The following HCN1 variants were observed in gnomAD, a reference collection of about 807,000 sequenced individuals.
HCN1 encodes the protein potassium/sodium hyperpolarization-activated cyclic nucleotide-gated channel 1.
A neutral mutation model predicts 78.9 loss-of-function variants in HCN1; 13 were observed. That is an observed-to-expected ratio of 0.16 (90% CI 0.11 to 0.26). The LOEUF (loss-of-function observed/expected upper bound fraction) is 0.26. Among genes scored for constraint, HCN1 ranks in the 10% least tolerant of loss-of-function variants. The pLI, the probability that HCN1 is intolerant of heterozygous loss-of-function variation, is 1.00. For synonymous variants in HCN1, 552 were observed against 455.5 expected, an observed-to-expected ratio of 1.21 and a Z score of -2.70; for missense variants, 810 against 1,154.3, an observed-to-expected ratio of 0.70 and a Z score of 4.32.
At chr5:45,385,198 G>A (rs549785360) in intron 4 of HCN1, among the ~76,000 whole-genome samples, 2 of 152,066 alleles carry the variant, frequency 1.3e-5, no homozygotes, top group South Asian at 4.2e-4. Flanking sequence ...TCTAAAACTG[G>A]GTTGAGAATG....
rs1744616249 is a variant in HCN1, at chr5:45,256,433, A to G, written c.*5488T>C. ...AGTAAATGGCCATTGATGTTACATTAGAAATATAATAGCTCCAAAGAATGT... is the reference window on the plus strand; with the variant it reads ...AGTAAATGGCCATTGATGTTACATTGGAAATATAATAGCTCCAAAGAATGT... On this transcript the variant is annotated 3_prime_UTR_variant, in exon 8 of 8. Transcript: ENST00000303230. 1 of 151,838 alleles carries G rather than the reference A, an allele frequency of 6.6e-6. No homozygotes were observed. Among genetic ancestry groups the G allele is most frequent in the African/African-American group, 2.4e-5 (1 of 41,334 alleles). 9.4% of individuals were successfully genotyped at this position (151,838 alleles called of 1,614,324 possible).
At chr5:45,403,647 G>A (rs1447347788) in intron 3 of HCN1, among the ~76,000 whole-genome samples, 6 of 152,138 alleles carry the variant, frequency 3.9e-5, no homozygotes, top group African/African-American at 7.2e-5. Context: ...AGCATGTGGG[G>A]ATTATGAGAA....
At chr5:45,469,767 A>T (rs183110705) in intron 2 of HCN1, among the ~76,000 whole-genome samples, 358 of 151,644 alleles carry the variant, frequency 2.4e-3, no homozygotes, top group African/African-American at 8.2e-3. Context: ...AATAATTAAA[A>T]ATCCTAATTA....
intron 5 of HCN1, among the ~76,000 whole-genome samples, chr5:45,316,599 A>G (rs1032871320): frequency 6.6e-6 from 1 of 152,152 alleles, no homozygotes; most frequent in Non-Finnish European, 1.5e-5. Context: ...AAGGGTATTC[A>G]ATTACAAAAA....
intron 1 of HCN1, among the ~76,000 whole-genome samples, chr5:45,667,140 G>A (rs116720185): frequency 6.2e-4 from 94 of 152,026 alleles, no homozygotes; most frequent in African/African-American, 2.3e-3. Context: ...AACCTCACCT[G>A]CTTTCAAGAA....
At position 45,328,261 on chromosome 5, in the gene HCN1, T is replaced by C. The variant is rs556775926; in HGVS notation, c.1378-24422A>G. Among the ~76,000 whole-genome samples the C allele has an allele frequency of 8.6e-5, 13 of 151,814 alleles. No homozygotes were observed. The South Asian group carries it at 2.7e-3, about 31-fold the overall frequency. On this transcript the variant is annotated intron_variant, in intron 5 of 7. Transcript: ENST00000303230. ...CGGTGCCACAGCAAAACTAGCATTT[T>C]TTTTTTTCTTCACAATTTCATGAAT...
intron 3 of HCN1, among the ~76,000 whole-genome samples, chr5:45,411,971 CTAACTT>C (rs1362445451): frequency 6.6e-6 from 1 of 152,068 alleles, no homozygotes; most frequent in Non-Finnish European, 1.5e-5. Flanking sequence ...AATTGGCAGA[CTAACTT>C]TAAGGAATAT....
At chr5:45,470,687 A>G (rs1041241395) in intron 2 of HCN1, among the ~76,000 whole-genome samples, 11 of 152,094 alleles carry the variant, frequency 7.2e-5, no homozygotes, top group African/African-American at 2.2e-4. Flanking sequence ...CTTAAAAGTA[A>G]TAAGCCTTAT....
chr5:45,530,898 G>C (rs1355000197), intron 2 of HCN1, among the ~76,000 whole-genome samples: 1 of 152,080 alleles, frequency 6.6e-6, no homozygotes, highest in African/African-American at 2.4e-5. Flanking sequence ...GAGTTACCCA[G>C]ACATCCTGGA....
intron 2 of HCN1, among the ~76,000 whole-genome samples, chr5:45,489,136 G>C (rs1054881153): frequency 1.3e-5 from 2 of 152,132 alleles, no homozygotes; most frequent in African/African-American, 2.4e-5. Context: ...CTTCAGAGAA[G>C]GCAAAATATT....
chr5:45,349,074 T>C (rs916986276), intron 5 of HCN1, among the ~76,000 whole-genome samples: 11 of 152,172 alleles, frequency 7.2e-5, no homozygotes, highest in African/African-American at 2.7e-4. Flanking sequence ...ATATACATTT[T>C]TTTCAGCACC....
intron 2 of HCN1, among the ~76,000 whole-genome samples, chr5:45,522,976 T>C (rs1742645652): frequency 6.6e-6 from 1 of 152,048 alleles, no homozygotes; most frequent in African/African-American, 2.4e-5. Context: ...TCATTTAGCA[T>C]TAGGTATATC....
intron 5 of HCN1, among the ~76,000 whole-genome samples, chr5:45,332,259 A>G (rs1375632307): frequency 2.0e-5 from 3 of 151,432 alleles, no homozygotes; most frequent in Non-Finnish European, 3.0e-5. Flanking sequence ...TAATGCAGAT[A>G]CTTTTGTATG....
chr5:45,671,610 G>A (rs1188329319), intron 1 of HCN1, among the ~76,000 whole-genome samples: 1 of 151,212 alleles, frequency 6.6e-6, no homozygotes, highest in African/African-American at 2.4e-5. Context: ...TTGATGACTA[G>A]CAGTCCTTTG....
chr5:45,396,431 A>C, intron 4 of HCN1, 61 bp downstream of exon 4: 1 of 1,331,738 alleles, frequency 7.5e-7, no homozygotes, highest in Non-Finnish European at 1.1e-6. Flanking sequence ...CTTGAACACA[A>C]TTCAATTTAC....
intron 1 of HCN1, among the ~76,000 whole-genome samples, chr5:45,657,125 C>T (rs542147989): frequency 1.5e-4 from 23 of 152,192 alleles, no homozygotes; most frequent in African/African-American, 5.5e-4. Flanking sequence ...CCAACATTTG[C>T]TGTGGAATAT....
intron 3 of HCN1, among the ~76,000 whole-genome samples, chr5:45,438,780 G>T (rs62369065): frequency 3.3e-5 from 5 of 151,984 alleles, no homozygotes; most frequent in Non-Finnish European, 7.4e-5. Context: ...TAAATGAGAT[G>T]ATGTACACGT....
chr5:45,275,633 A>G (rs1179280459), intron 6 of HCN1, among the ~76,000 whole-genome samples: 5 of 152,110 alleles, frequency 3.3e-5, no homozygotes, highest in African/African-American at 1.2e-4. Context: ...TATAGAATAT[A>G]TATTTGTACT....
intron 2 of HCN1, among the ~76,000 whole-genome samples, chr5:45,618,582 G>T (rs902054108): frequency 6.6e-6 from 1 of 152,112 alleles, no homozygotes. Flanking sequence ...TAGAGAACAC[G>T]TGTAATTCAC....
Sources: gnomAD v4.1 joint callset for allele counts (sites outside exome capture counted in the v4.1 genomes callset) on GRCh38, gnomAD v4.1.1 for gene constraint, MANE v1.5 for transcripts, NCBI Gene and HGNC (gene_info 2026-07-23, HGNC 2026-07-21) for gene names.